Variants in AGBL4 observed in about 807,000 individuals in gnomAD.
AGBL4 encodes AGBL carboxypeptidase 4.
AGBL4 carries 58 observed loss-of-function variants against 66.4 expected under a neutral mutation model. The ratio of observed to expected loss-of-function variants is 0.87; its 90% CI spans 0.71 to 1.09. The LOEUF (loss-of-function observed/expected upper bound fraction) is 1.09. Among genes scored for constraint, AGBL4 ranks in the 50% least tolerant of loss-of-function variants. The probability of loss-of-function intolerance (pLI) is 0.00; values close to 1 mark genes in which losing one functional copy is unlikely to be tolerated. For synonymous variants in AGBL4, 234 were observed against 222.9 expected, an observed-to-expected ratio of 1.05 and a Z score of -0.44; for missense variants, 579 against 631.0, an observed-to-expected ratio of 0.92 and a Z score of 0.88.
At chr1:48,656,426 C>T (rs1053202586) in intron 7 of AGBL4, among the ~76,000 whole-genome samples, 6 of 152,220 alleles carry the variant, frequency 3.9e-5, no homozygotes, top group South Asian at 4.1e-4. Context: ...TTCATTGGCA[C>T]ACCAAATTCT....
At chr1:49,041,764 GAA>G (rs1268329925) in intron 5 of AGBL4, among the ~76,000 whole-genome samples, 1 of 152,122 alleles carries the variant, frequency 6.6e-6, no homozygotes, top group Admixed American at 6.5e-5. Flanking sequence ...CAGCCAATAT[GAA>G]AATCAGGGCT....
chr1:48,596,281 T>C (rs1202273472), intron 9 of AGBL4, among the ~76,000 whole-genome samples: 1 of 152,124 alleles, frequency 6.6e-6, no homozygotes, highest in Non-Finnish European at 1.5e-5. Flanking sequence ...ACTGAGATTA[T>C]TGTCCTTAGA....
chr1:49,382,031 C>T (rs964980978), intron 3 of AGBL4, among the ~76,000 whole-genome samples: 9 of 151,910 alleles, frequency 5.9e-5, no homozygotes, highest in South Asian at 4.2e-4. Flanking sequence ...AATACAGTTC[C>T]TGTAGCCACT....
intron 6 of AGBL4, among the ~76,000 whole-genome samples, chr1:48,734,281 G>A (rs573110113): frequency 6.6e-6 from 1 of 152,310 alleles, no homozygotes; most frequent in East Asian, 1.9e-4. Flanking sequence ...TCTAGGCTCT[G>A]AAACCTTATA....
chr1:48,686,288 C>G (rs922106195), intron 6 of AGBL4, among the ~76,000 whole-genome samples: 4 of 152,214 alleles, frequency 2.6e-5, no homozygotes, highest in Non-Finnish European at 5.9e-5. Context: ...CTTACTTCCT[C>G]TGCTGAAGCA....
chr1:49,512,952 C>G (rs1162870663), intron 3 of AGBL4, among the ~76,000 whole-genome samples: 7 of 151,978 alleles, frequency 4.6e-5, no homozygotes, highest in Admixed American at 3.3e-4. Context: ...TACTTTCCCT[C>G]TGTTATCTCA....
chr1:49,853,994 T>C (rs1176649069), intron 1 of AGBL4, among the ~76,000 whole-genome samples: 1 of 151,928 alleles, frequency 6.6e-6, no homozygotes, highest in Non-Finnish European at 1.5e-5. Context: ...ACAAAGAAAT[T>C]AAGAGCTCCA....
chr1:49,654,826 T>C (rs1420719106), intron 3 of AGBL4, among the ~76,000 whole-genome samples: 3 of 152,286 alleles, frequency 2.0e-5, no homozygotes, highest in African/African-American at 7.2e-5. Flanking sequence ...TCTCCGCACG[T>C]GAGATCGGTT....
chr1:48,724,263 T>C (rs1014819955), intron 6 of AGBL4, among the ~76,000 whole-genome samples: 1 of 152,210 alleles, frequency 6.6e-6, no homozygotes, highest in Non-Finnish European at 1.5e-5. Flanking sequence ...ATTTTGCAGA[T>C]GAAGAAGCTG....
At chr1:49,398,936 T>G (rs566403641) in intron 3 of AGBL4, among the ~76,000 whole-genome samples, 1 of 152,314 alleles carries the variant, frequency 6.6e-6, no homozygotes, top group Non-Finnish European at 1.5e-5. Context: ...ATACTAGGTC[T>G]TATTCATTCT....
chr1:49,980,150 C>A (rs954419153), intron 1 of AGBL4, among the ~76,000 whole-genome samples: 4 of 152,040 alleles, frequency 2.6e-5, no homozygotes, highest in African/African-American at 7.3e-5. Flanking sequence ...TTGGGGGGGT[C>A]TAAAGTTACA....
chr1:49,941,569 T>C (rs1654761307), intron 1 of AGBL4, among the ~76,000 whole-genome samples: 1 of 150,944 alleles, frequency 6.6e-6, no homozygotes, highest in Admixed American at 6.6e-5. Context: ...ACAAGAAGAG[T>C]TCAACATAAG....
chr1:49,686,267 G>A (rs530174368), intron 3 of AGBL4, among the ~76,000 whole-genome samples: 1 of 152,118 alleles, frequency 6.6e-6, no homozygotes, highest in Admixed American at 6.5e-5. Flanking sequence ...CCCCACTGAA[G>A]TTCTTTTGCC....
chr1:49,220,027 C>A (rs927331016), intron 4 of AGBL4, among the ~76,000 whole-genome samples: 1 of 151,874 alleles, frequency 6.6e-6, no homozygotes, highest in Non-Finnish European at 1.5e-5. Flanking sequence ...AGTATCTGGC[C>A]CACAGATAGC....
At chr1:49,845,993 A>G in intron 2 of AGBL4, 2 of 1,589,172 alleles carry the variant, frequency 1.3e-6, no homozygotes, top group South Asian at 2.2e-5. Flanking sequence ...CACTGAGGAG[A>G]AGCCCTACAA....
chr1:49,643,138 T>C (rs965524555), intron 3 of AGBL4, among the ~76,000 whole-genome samples: 1 of 151,874 alleles, frequency 6.6e-6, no homozygotes, highest in African/African-American at 2.4e-5. Flanking sequence ...ATAAATCAGA[T>C]GGCTAGAGAT....
intron 1 of AGBL4, among the ~76,000 whole-genome samples, chr1:49,997,914 C>G (rs1223581626): frequency 6.6e-6 from 1 of 151,958 alleles, no homozygotes; most frequent in Non-Finnish European, 1.5e-5. Flanking sequence ...CCCTCAAAAA[C>G]CATGAAAATA....
intron 6 of AGBL4, among the ~76,000 whole-genome samples, chr1:48,702,615 C>T (rs1364968137): frequency 1.3e-5 from 2 of 152,068 alleles, no homozygotes; most frequent in Admixed American, 6.6e-5. Flanking sequence ...TTAACATTCA[C>T]TCAGAAATGG....
chr1:49,000,379 C>T (rs969669394), intron 5 of AGBL4, among the ~76,000 whole-genome samples: 5 of 152,162 alleles, frequency 3.3e-5, no homozygotes, highest in South Asian at 2.1e-4. Context: ...GTATGTAATG[C>T]TATCTTCCCT....
Sources: allele counts gnomAD v4.1 joint callset (sites outside exome capture counted in the v4.1 genomes callset), GRCh38; gene constraint gnomAD v4.1.1; transcripts MANE v1.5; gene names NCBI Gene and HGNC (gene_info 2026-07-23, HGNC 2026-07-21).